ELP1: variants seen among roughly 807,000 people sequenced by gnomAD.
ELP1 encodes elongator complex protein 1.
A neutral mutation model predicts 183.2 loss-of-function variants in ELP1; 131 were observed. The observed-to-expected ratio is 0.72, with a 90% CI of 0.62 to 0.83. ELP1 has a LOEUF of 0.83. ELP1 is among the 40% of genes least tolerant of loss of function. The probability of loss-of-function intolerance (pLI) is 0.00; values close to 1 mark genes in which losing one functional copy is unlikely to be tolerated. For synonymous variants in ELP1, 555 were observed against 569.0 expected, an observed-to-expected ratio of 0.98 and a Z score of 0.35; for missense variants, 1,550 against 1,594.9, an observed-to-expected ratio of 0.97 and a Z score of 0.48.
At chr9:108,896,746 C>T (rs1369896351) in intron 24 of ELP1, 102 bp from the exon 25 acceptor site, 1 of 1,182,128 alleles carries the variant, frequency 8.5e-7, no homozygotes, top group Non-Finnish European at 1.3e-6. Context: ...CTCAATAGAA[C>T]TGGACATCAG....
intron 29 of ELP1, among the ~76,000 whole-genome samples, chr9:108,887,045 C>CA (rs1348421693): frequency 2.0e-5 from 3 of 151,864 alleles, no homozygotes; most frequent in African/African-American, 4.8e-5. Context: ...CCCATCCCTA[C>CA]AAAAAATACA....
At chr9:108,916,732 A>G (rs1772047) in intron 9 of ELP1, among the ~76,000 whole-genome samples, 107,615 of 152,140 alleles carry the variant, frequency 0.71, 38,564 homozygotes, top group African/African-American at 0.83. Flanking sequence ...GTAAGTATAT[A>G]TATGTATAGG....
chr9:108,892,988 G>T lies in ELP1; in HGVS notation c.2956C>A (p.Gln986Lys). 6.2e-7 allele frequency: 1 copy of T among 1,608,758 alleles called. No homozygotes were observed. Among genetic ancestry groups the T allele is most frequent in the Non-Finnish European group, 8.5e-7 (1 of 1,175,140 alleles). ...CCTCATTTTCACATACCACATACCT[G>T]GTACTGTTGTGAGCTTGGTGAATAT... ...KLYSPSSQQYQDISIAYGEHL... is the reference protein window; with the variant it reads ...KLYSPSSQQYKDISIAYGEHL... The change falls in exon 27 of 37, where the codon CAG (glutamine) becomes AAG (lysine). Residue 986 changes from glutamine to lysine, a missense_variant and splice_region_variant. Physicochemically the swap from Gln to Lys is moderately conservative, Grantham distance 53 (BLOSUM62 1). Coordinates refer to ENST00000374647, the MANE Select transcript of ELP1 (RefSeq NM_003640.5).
At position 108,878,883 on chromosome 9, in the gene ELP1, C is replaced by T; in HGVS notation, c.3573-133G>A. On this transcript the variant is annotated intron_variant, in intron 33 of 36. Coordinates refer to ENST00000374647, the MANE Select transcript of ELP1 (RefSeq NM_003640.5). Reference sequence around the variant, plus strand: ...CTTCACAGATCTCCATTTTAAATTCCTAAAGCAAAATTCAGTTTGAATATA... The same window carrying T: ...CTTCACAGATCTCCATTTTAAATTCTTAAAGCAAAATTCAGTTTGAATATA... 3 of 925,590 alleles carry T rather than the reference C, an allele frequency of 3.2e-6. No homozygotes were observed. The South Asian group carries it at 4.4e-5, about 13-fold the overall frequency. The allele number at this position is 925,590 out of a possible 1,614,324, so 57.3% of individuals were successfully genotyped here.
At chr9:108,902,709 C>A in intron 16 of ELP1, 130 bp downstream of exon 16, 1 of 725,728 alleles carries the variant, frequency 1.4e-6, no homozygotes, top group Non-Finnish European at 2.5e-6. Context: ...AAAGTGAGAT[C>A]ATTTCCCACT....
At chr9:108,896,904 G>C (rs1364327976) in intron 24 of ELP1, 49 bp downstream of exon 24, 1 of 1,468,734 alleles carries the variant, frequency 6.8e-7, no homozygotes, top group Admixed American at 1.7e-5. Flanking sequence ...CAGAAGACTA[G>C]TAGCAGTCAC....
chr9:108,922,064 T>C (rs1046650152), intron 6 of ELP1, among the ~76,000 whole-genome samples: 1 of 152,200 alleles, frequency 6.6e-6, no homozygotes, highest in African/African-American at 2.4e-5. Flanking sequence ...ATGTAATCTG[T>C]ACTTTTCTAA....
chr9:108,868,777 T>C lies in ELP1; in HGVS notation c.*338A>G. ...ATAAGACAATTTAGAAACATTGTTTTACTTGTCTTCACACTTTGGAGGTAG... is the reference window on the plus strand; with the variant it reads ...ATAAGACAATTTAGAAACATTGTTTCACTTGTCTTCACACTTTGGAGGTAG... On this transcript the variant is annotated 3_prime_UTR_variant, in exon 37 of 37. Transcript: ENST00000374647. The C allele has an allele frequency of 1.8e-6, 1 of 568,082 alleles. No individual in the cohort carries two copies. Among genetic ancestry groups the C allele is most frequent in the Non-Finnish European group, 3.1e-6 (1 of 321,704 alleles). 35.2% of individuals were successfully genotyped at this position (568,082 alleles called of 1,614,324 possible).
At chr9:108,915,878 T>C (rs1220093575) in intron 10 of ELP1, among the ~76,000 whole-genome samples, 3 of 152,132 alleles carry the variant, frequency 2.0e-5, no homozygotes, top group South Asian at 4.2e-4. Context: ...GGCTGACTTT[T>C]CATATCTGAG....
intron 29 of ELP1, among the ~76,000 whole-genome samples, chr9:108,887,170 C>T (rs1417729745): frequency 6.6e-6 from 1 of 152,112 alleles, no homozygotes; most frequent in Non-Finnish European, 1.5e-5. Flanking sequence ...GATCACACCA[C>T]TGCACTCCAG....
At chr9:108,880,020 C>G (rs201862301) in intron 32 of ELP1, 32 bp downstream of exon 32, 5 of 1,362,928 alleles carry the variant, frequency 3.7e-6, no homozygotes, top group Non-Finnish European at 5.3e-6. Context: ...CCACTGCCCC[C>G]GCACGTCGAT....
At chr9:108,913,939 T>A (rs530523758) in intron 10 of ELP1, among the ~76,000 whole-genome samples, 3 of 152,206 alleles carry the variant, frequency 2.0e-5, no homozygotes, top group African/African-American at 7.2e-5. Flanking sequence ...TTAAAATCAC[T>A]TGGGGGCTTT....
At chr9:108,919,860 G>A (rs897010694) in intron 6 of ELP1, among the ~76,000 whole-genome samples, 1 of 152,138 alleles carries the variant, frequency 6.6e-6, no homozygotes, top group Admixed American at 6.5e-5. Context: ...ATGACGGGAA[G>A]AAACGTCTCC....
intron 28 of ELP1, among the ~76,000 whole-genome samples, chr9:108,890,790 C>T (rs1390590657): frequency 3.9e-5 from 6 of 152,224 alleles, no homozygotes; most frequent in African/African-American, 1.2e-4. Context: ...AGCTACATGG[C>T]GTGGCCGAGA....
chr9:108,875,659 C>G, intron 35 of ELP1: 1 of 368,928 alleles, frequency 2.7e-6, no homozygotes. Flanking sequence ...CTTTGGGAGG[C>G]CAAGGCAGGA....
intron 16 of ELP1, among the ~76,000 whole-genome samples, chr9:108,902,637 C>T (rs150242059): frequency 1.1e-3 from 162 of 152,336 alleles, no homozygotes; most frequent in African/African-American, 3.5e-3. Context: ...ATTTAGTCTT[C>T]TGAACCCTGA....
chr9:108,873,895 A>G (rs1357994564), intron 36 of ELP1, among the ~76,000 whole-genome samples: 1 of 151,112 alleles, frequency 6.6e-6, no homozygotes, highest in Admixed American at 6.6e-5. Context: ...AAAAAAAGGA[A>G]TAAGTGGATA....
chr9:108,930,890 A>C, intron 2 of ELP1, 107 bp downstream of exon 2: 3 of 1,024,910 alleles, frequency 2.9e-6, no homozygotes, highest in Admixed American at 1.9e-5. Flanking sequence ...ATTTGGGAGG[A>C]TATAAATTCA....
chr9:108,932,634 G>A (rs1478402876), intron 1 of ELP1, among the ~76,000 whole-genome samples: 1 of 152,132 alleles, frequency 6.6e-6, no homozygotes, highest in African/African-American at 2.4e-5. Context: ...GAGCCACCGT[G>A]CCTGGCTGCG....
Sources: gnomAD v4.1 joint callset for allele counts (sites outside exome capture counted in the v4.1 genomes callset) on GRCh38, gnomAD v4.1.1 for gene constraint, MANE v1.5 for transcripts, NCBI Gene and HGNC (gene_info 2026-07-23, HGNC 2026-07-21) for gene names.